Variants in HERC3 observed in about 807,000 individuals in gnomAD.
HERC3 encodes the protein HECT and RLD domain containing E3 ubiquitin protein ligase 3.
A neutral mutation model predicts 129.9 loss-of-function variants in HERC3; 58 were observed. The ratio of observed to expected loss-of-function variants is 0.45; its 90% CI spans 0.36 to 0.56. HERC3 has a LOEUF of 0.56. Ranked by LOEUF, HERC3 falls within the 20% of genes least tolerant of loss-of-function variation. HERC3 has a pLI of 0.00. For synonymous variants in HERC3, 430 were observed against 451.0 expected, an observed-to-expected ratio of 0.95 and a Z score of 0.59; for missense variants, 835 against 1,244.2, an observed-to-expected ratio of 0.67 and a Z score of 4.95.
the HERC3 span, among the ~76,000 whole-genome samples, chr4:88,539,475 T>C: frequency 6.6e-5 from 10 of 152,178 alleles, no homozygotes; most frequent in Non-Finnish European, 1.5e-4. Flanking sequence ...CTCTATAGAC[T>C]CCACCTCTGT....
intron 1 of HERC3, among the ~76,000 whole-genome samples, chr4:88,595,100 C>CAAAAAAAAAAAA (rs758727600): frequency 3.3e-5 from 2 of 60,082 alleles, no homozygotes; most frequent in Non-Finnish European, 5.7e-5. Flanking sequence ...GACTCTGTCT[C>CAAAAAAAAAAAA]AAAAAAAAAA....
At chr4:88,534,435 T>G in the HERC3 span, among the ~76,000 whole-genome samples, 1 of 152,144 alleles carries the variant, frequency 6.6e-6, no homozygotes, top group Non-Finnish European at 1.5e-5. Context: ...CTAGAATGAT[T>G]TTAAACACTA....
the HERC3 span, among the ~76,000 whole-genome samples, chr4:88,555,131 A>G: frequency 1.3e-5 from 2 of 152,004 alleles, no homozygotes; most frequent in Admixed American, 6.5e-5. Flanking sequence ...TAAAAATACA[A>G]AAATTAGGTG....
At chr4:88,631,972 AC>A (rs1380415385) in intron 3 of HERC3, among the ~76,000 whole-genome samples, 6 of 152,218 alleles carry the variant, frequency 3.9e-5, no homozygotes, top group African/African-American at 1.4e-4. Flanking sequence ...GGGAAAGAAG[AC>A]CAGAACTTGA....
intron 3 of HERC3, among the ~76,000 whole-genome samples, chr4:88,645,419 T>A (rs1240496971): frequency 6.6e-6 from 1 of 152,214 alleles, no homozygotes; most frequent in Non-Finnish European, 1.5e-5. Flanking sequence ...ACCCTCTTTG[T>A]ACTATCAACT....
the HERC3 span, among the ~76,000 whole-genome samples, chr4:88,572,649 A>C: frequency 6.9e-6 from 1 of 145,424 alleles, no homozygotes; most frequent in African/African-American, 2.6e-5. Context: ...TCTCTACTAA[A>C]ATATAAAAAA....
chr4:88,697,100 T>A (rs1734674306), intron 23 of HERC3: 1 of 1,049,938 alleles, frequency 9.5e-7, no homozygotes, highest in African/African-American at 1.6e-5. Flanking sequence ...ATTCACATTG[T>A]ATTTTGGTCA....
At chr4:88,698,618 T>C (rs573159983) in intron 23 of HERC3, among the ~76,000 whole-genome samples, 16 of 148,256 alleles carry the variant, frequency 1.1e-4, no homozygotes, top group African/African-American at 3.5e-4. Flanking sequence ...CCCCCTCTTA[T>C]CTTGGTTAAA....
the HERC3 span, among the ~76,000 whole-genome samples, chr4:88,563,626 T>C: frequency 6.6e-6 from 1 of 152,018 alleles, no homozygotes; most frequent in African/African-American, 2.4e-5. Flanking sequence ...GTCTGTTGTA[T>C]ATGAATTTTA....
intron 10 of HERC3, among the ~76,000 whole-genome samples, chr4:88,659,523 C>T (rs1040703942): frequency 1.3e-5 from 2 of 152,158 alleles, no homozygotes; most frequent in Non-Finnish European, 2.9e-5. Flanking sequence ...AGGTCAGGTG[C>T]CTGAAGAAGG....
chr4:88,607,172 G>GGTGTGTGT (rs3036481), intron 3 of HERC3, among the ~76,000 whole-genome samples: 8 of 149,726 alleles, frequency 5.3e-5, no homozygotes, highest in African/African-American at 2.0e-4. Flanking sequence ...GTAGCACTTT[G>GGTGTGTGT]GTGTGTGTGT....
rs1377686964 is a variant in HERC3 at position 88,654,421 on chromosome 4, TAC to T, written c.777+294_777+295del. On this transcript the variant is annotated intron_variant, in intron 7 of 25. Transcript: ENST00000402738. ...ACACATAATGTAGATTATATATATA[TAC>T]ACACATATAATGTAGATTATATAAA... 4.8e-5 allele frequency among the ~76,000 whole-genome samples: 7 copies of T among 144,810 alleles called. No individual in the cohort carries two copies. In the East Asian group the frequency reaches 1.2e-3, roughly 25 times the overall value.
intron 20 of HERC3, 44 bp downstream of exon 20, chr4:88,680,280 CTTTCTT>C: frequency 6.7e-7 from 1 of 1,494,312 alleles, no homozygotes; most frequent in Non-Finnish European, 9.0e-7. Flanking sequence ...TTAAATTAAA[CTTTCTT>C]TTTGTTGTCA....
chr4:88,591,139 G>A (rs967946884), upstream of HERC3, among the ~76,000 whole-genome samples: 3 of 151,890 alleles, frequency 2.0e-5, no homozygotes, highest in African/African-American at 7.3e-5. Context: ...GTGATCCACC[G>A]GCTTCGGCCT....
At chr4:88,687,366 C>G in intron 23 of HERC3, 67 bp downstream of exon 23, 1 of 1,062,042 alleles carries the variant, frequency 9.4e-7, no homozygotes, top group Non-Finnish European at 1.4e-6. Context: ...ACATTTAAGA[C>G]CAAAATAAAA....
intron 2 of HERC3, among the ~76,000 whole-genome samples, chr4:88,597,787 G>T (rs547017186): frequency 6.6e-6 from 1 of 152,310 alleles, no homozygotes; most frequent in African/African-American, 2.4e-5. Flanking sequence ...GGCTGAGGGG[G>T]TCAGAGGACC....
chr4:88,611,436 A>G (rs1228262864), intron 3 of HERC3, among the ~76,000 whole-genome samples: 1 of 152,202 alleles, frequency 6.6e-6, no homozygotes, highest in African/African-American at 2.4e-5. Context: ...GCTACCCCCA[A>G]GTAGCTTCTG....
At chr4:88,591,409 G>A (rs1460185839), upstream of HERC3, among the ~76,000 whole-genome samples, 1 of 152,004 alleles carries the variant, frequency 6.6e-6, no homozygotes, top group African/African-American at 2.4e-5. Context: ...TTTTCTACTT[G>A]GTCAGTCTGT....
At chr4:88,662,200 C>G (rs1730563645) in intron 10 of HERC3, among the ~76,000 whole-genome samples, 1 of 152,174 alleles carries the variant, frequency 6.6e-6, no homozygotes, top group East Asian at 1.9e-4. Flanking sequence ...CATGCCTCTA[C>G]CTGCCATTGG....
Sources: gnomAD v4.1 joint callset for allele counts (sites outside exome capture counted in the v4.1 genomes callset) on GRCh38, gnomAD v4.1.1 for gene constraint, MANE v1.5 for transcripts, NCBI Gene and HGNC (gene_info 2026-07-23, HGNC 2026-07-21) for gene names.